Variants in ARK2C observed in about 807,000 individuals in gnomAD.
ARK2C encodes the protein E3 ubiquitin-protein ligase ARK2C.
At chr18:46,401,495 C>T in the ARK2C span, among the ~76,000 whole-genome samples, 10 of 152,212 alleles carry the variant, frequency 6.6e-5, no homozygotes, top group African/African-American at 2.4e-4. Context: ...AGCAATTCTT[C>T]ATCCTCTTCT....
the ARK2C span, among the ~76,000 whole-genome samples, chr18:46,383,799 C>T: frequency 1.3e-5 from 2 of 152,122 alleles, no homozygotes; most frequent in African/African-American, 2.4e-5. Flanking sequence ...GATCCGCCCA[C>T]CTTGGCCTCC....
At chr18:46,393,299 T>A in the ARK2C span, among the ~76,000 whole-genome samples, 2 of 152,150 alleles carry the variant, frequency 1.3e-5, no homozygotes, top group East Asian at 3.9e-4. Context: ...TGTTCCCAGC[T>A]CTTGTTCTGG....
chr18:46,397,574 G>A, the ARK2C span, among the ~76,000 whole-genome samples: 1 of 120,950 alleles, frequency 8.3e-6, no homozygotes, highest in Non-Finnish European at 1.8e-5. Flanking sequence ...GTGTGTGTGT[G>A]TGGTCATGCT....
the ARK2C span, among the ~76,000 whole-genome samples, chr18:46,404,148 G>C: frequency 5.9e-5 from 9 of 151,962 alleles, no homozygotes; most frequent in African/African-American, 1.9e-4. Flanking sequence ...TATGATTTAC[G>C]GTCTAAAACC....
the ARK2C span, among the ~76,000 whole-genome samples, chr18:46,340,388 A>T: frequency 6.6e-6 from 1 of 152,066 alleles, no homozygotes; most frequent in Non-Finnish European, 1.5e-5. Context: ...TCACTCACTC[A>T]CTTGTTTGTT....
chr18:46,449,684 C>T, the ARK2C span, among the ~76,000 whole-genome samples: 1 of 152,178 alleles, frequency 6.6e-6, no homozygotes, highest in Non-Finnish European at 1.5e-5. Flanking sequence ...AAGGGACCTC[C>T]CCATTCGCTT....
At chr18:46,402,181 G>A in the ARK2C span, among the ~76,000 whole-genome samples, 2 of 152,238 alleles carry the variant, frequency 1.3e-5, no homozygotes, top group East Asian at 1.9e-4. Flanking sequence ...ATATACCTAT[G>A]AAAGCATCTA....
the ARK2C span, among the ~76,000 whole-genome samples, chr18:46,404,848 G>T: frequency 6.6e-6 from 1 of 151,978 alleles, no homozygotes; most frequent in African/African-American, 2.4e-5. Context: ...ATGAAGTAGG[G>T]ATTATTAGTT....
chr18:46,364,643 T>A, the ARK2C span, among the ~76,000 whole-genome samples: 1 of 152,228 alleles, frequency 6.6e-6, no homozygotes, highest in Non-Finnish European at 1.5e-5. Flanking sequence ...TGGCCAAAAG[T>A]GAGGCTGGAG....
the ARK2C span, among the ~76,000 whole-genome samples, chr18:46,437,841 C>T: frequency 5.3e-5 from 8 of 152,352 alleles, no homozygotes; most frequent in East Asian, 1.5e-3. Context: ...TCTGTCACAG[C>T]TGCAGCCCTG....
At chr18:46,439,542 T>G in the ARK2C span, among the ~76,000 whole-genome samples, 1 of 152,196 alleles carries the variant, frequency 6.6e-6, no homozygotes, top group Non-Finnish European at 1.5e-5. Context: ...ACCACTTCAA[T>G]GTACACAGCA....
chr18:46,369,310 G>A, the ARK2C span, among the ~76,000 whole-genome samples: 1 of 152,134 alleles, frequency 6.6e-6, no homozygotes, highest in Non-Finnish European at 1.5e-5. Context: ...GGCCTGAGCT[G>A]GGATTTACTG....
At chr18:46,379,135 C>T in the ARK2C span, among the ~76,000 whole-genome samples, 2 of 152,212 alleles carry the variant, frequency 1.3e-5, no homozygotes. Flanking sequence ...GCTGGGAGCC[C>T]CCAGGCCCCC....
At chr18:46,372,308 C>T in the ARK2C span, among the ~76,000 whole-genome samples, 2 of 152,198 alleles carry the variant, frequency 1.3e-5, no homozygotes, top group East Asian at 1.9e-4. Flanking sequence ...CAGCCACCCA[C>T]TTGCTGTGCA....
the ARK2C span, among the ~76,000 whole-genome samples, chr18:46,452,957 G>T: frequency 2.0e-5 from 3 of 152,144 alleles, no homozygotes; most frequent in African/African-American, 7.2e-5. Context: ...TACCATACGG[G>T]GTGCTGTGGG....
chr18:46,373,038 A>G, the ARK2C span, among the ~76,000 whole-genome samples: 2 of 152,328 alleles, frequency 1.3e-5, no homozygotes, highest in South Asian at 4.1e-4. Context: ...GTGTGTGTGT[A>G]CGTGTGCATG....
At chr18:46,405,164 G>A in the ARK2C span, among the ~76,000 whole-genome samples, 1 of 152,148 alleles carries the variant, frequency 6.6e-6, no homozygotes, top group Non-Finnish European at 1.5e-5. Flanking sequence ...TACTGGTGGG[G>A]TTGCTCTCTG....
the ARK2C span, among the ~76,000 whole-genome samples, chr18:46,364,772 C>T: frequency 7.2e-5 from 11 of 152,176 alleles, no homozygotes; most frequent in Non-Finnish European, 1.6e-4. Context: ...GAGGATCGCA[C>T]GGCCACCGAG....
the ARK2C span, among the ~76,000 whole-genome samples, chr18:46,352,152 T>A: frequency 6.6e-6 from 1 of 152,120 alleles, no homozygotes; most frequent in East Asian, 1.9e-4. Flanking sequence ...CTGGAGACAT[T>A]TGGGAACCCT....
Sources: gnomAD v4.1 joint callset for allele counts (sites outside exome capture counted in the v4.1 genomes callset) on GRCh38, gnomAD v4.1.1 for gene constraint, MANE v1.5 for transcripts, NCBI Gene and HGNC (gene_info 2026-07-23, HGNC 2026-07-21) for gene names.